Variants in CNTN4 observed in about 807,000 individuals in gnomAD.
The protein encoded by CNTN4 is contactin-4.
Under a neutral mutation model 122.5 loss-of-function variants are expected in CNTN4, and 77 were observed. That is an observed-to-expected ratio of 0.63 (90% CI 0.52 to 0.76). The LOEUF (loss-of-function observed/expected upper bound fraction) is 0.76, where lower values mean the gene tolerates loss of function less well. CNTN4 is among the 30% of genes least tolerant of loss of function. The pLI is 0.00. For synonymous variants in CNTN4, 512 were observed against 447.0 expected (o/e 1.15, Z -1.83); for missense variants, 1,256 against 1,259.1 (o/e 1.00, Z 0.04).
chr3:2,599,698 T>G (rs2080938981), intron 4 of CNTN4, among the ~76,000 whole-genome samples: 1 of 152,186 alleles, frequency 6.6e-6, no homozygotes, highest in South Asian at 2.1e-4. Context: ...AGAGAATCCC[T>G]AGCTAAACAG....
chr3:2,552,735 A>G (rs2078562760), intron 3 of CNTN4, among the ~76,000 whole-genome samples: 1 of 152,176 alleles, frequency 6.6e-6, no homozygotes, highest in South Asian at 2.1e-4. Flanking sequence ...AAAACTGTCA[A>G]AACAAAGCTA....
chr3:2,199,931 A>G (rs561768432), intron 2 of CNTN4, among the ~76,000 whole-genome samples: 1 of 152,304 alleles, frequency 6.6e-6, no homozygotes, highest in East Asian at 1.9e-4. Flanking sequence ...TTCTAAGCAT[A>G]TGAAGGTCAT....
chr3:2,224,921 C>T lies in CNTN4; in HGVS notation c.-144-114257C>T, dbSNP rs896009884. ...ATCCCAGCATTTTGGGAGGCCGAGG[C>T]GGGTGGATCACGAGGTCAGGAGATG... On this transcript the variant is annotated intron_variant, in intron 2 of 24. Transcript: ENST00000418658. Among the ~76,000 whole-genome samples the T allele has an allele frequency of 1.8e-4, 27 of 151,840 alleles. 1 individual carries two copies. The highest frequency in any genetic ancestry group is 1.2e-4 in the Non-Finnish European group (8 of 67,972).
At chr3:2,354,427 A>T (rs2044779415) in intron 3 of CNTN4, among the ~76,000 whole-genome samples, 1 of 152,182 alleles carries the variant, frequency 6.6e-6, no homozygotes. Flanking sequence ...GCTACTCAGG[A>T]GGCTGAGGCA....
intron 2 of CNTN4, among the ~76,000 whole-genome samples, chr3:2,304,357 C>A (rs1260693241): frequency 1.3e-5 from 2 of 152,080 alleles, no homozygotes; most frequent in African/African-American, 4.8e-5. Context: ...AAATTAATTA[C>A]ACGTTATAAA....
intron 3 of CNTN4, among the ~76,000 whole-genome samples, chr3:2,555,347 T>G (rs186530888): frequency 6.6e-6 from 1 of 152,284 alleles, no homozygotes; most frequent in East Asian, 1.9e-4. Context: ...CCTCGGTAAT[T>G]AAATCCATTG....
rs548998397 is a variant in CNTN4 at position 2,191,806 on chromosome 3, T to C, written c.-145+91167T>C. 4.7e-4 allele frequency among the ~76,000 whole-genome samples: 71 copies of C among 152,254 alleles called. 1 individual carries two copies. In the South Asian group the frequency reaches 0.014, roughly 31 times the overall value. On this transcript the variant is annotated intron_variant, in intron 2 of 24. Transcript: ENST00000418658. The stretch of plus-strand genomic sequence containing the variant: ...GAGGTTTGTTACATATGTATGCATG[T>C]GCCATGTTGGTGTGCTGCACCCATT...
chr3:2,168,779 A>C (rs1003654607), intron 2 of CNTN4, among the ~76,000 whole-genome samples: 1 of 152,184 alleles, frequency 6.6e-6, no homozygotes, highest in African/African-American at 2.4e-5. Context: ...CATTTTCAAA[A>C]TCAGTAGTGC....
chr3:2,330,085 T>G (rs1231595243), intron 2 of CNTN4, among the ~76,000 whole-genome samples: 1 of 152,162 alleles, frequency 6.6e-6, no homozygotes, highest in Admixed American at 6.5e-5. Context: ...CCAATTGATA[T>G]AAATTAGAGA....
At chr3:2,374,496 TCA>T (rs2045747874) in intron 3 of CNTN4, among the ~76,000 whole-genome samples, 1 of 152,212 alleles carries the variant, frequency 6.6e-6, no homozygotes, top group African/African-American at 2.4e-5. Context: ...CCCGTATACT[TCA>T]CAGACTAGGT....
At chr3:2,961,099 G>GCA (rs1313871701) in intron 13 of CNTN4, among the ~76,000 whole-genome samples, 1 of 141,972 alleles carries the variant, frequency 7.0e-6, no homozygotes, top group Non-Finnish European at 1.5e-5. Flanking sequence ...GCGTGGTGAT[G>GCA]GGCGCCTGTA....
chr3:2,318,655 G>A (rs35505531), intron 2 of CNTN4, among the ~76,000 whole-genome samples: 10,871 of 152,000 alleles, frequency 0.072, 452 homozygotes, highest in Middle Eastern at 0.085. Flanking sequence ...TGTGTGTTGT[G>A]TTGTGTGTTT....
At chr3:2,661,874 T>G (rs1255536434) in intron 4 of CNTN4, among the ~76,000 whole-genome samples, 1 of 151,492 alleles carries the variant, frequency 6.6e-6, no homozygotes, top group Non-Finnish European at 1.5e-5. Flanking sequence ...ATATAGAAAT[T>G]TTAAGAATAC....
chr3:2,887,325 C>A, intron 10 of CNTN4, 101 bp downstream of exon 10: 1 of 1,071,000 alleles, frequency 9.3e-7, no homozygotes, highest in South Asian at 1.3e-5. Flanking sequence ...AGAGATGGTG[C>A]AGAATAGGAC....
At position 2,358,710 on chromosome 3, in the gene CNTN4, A is replaced by G. The variant is rs1486660360; in HGVS notation, c.-89+19477A>G. Among the ~76,000 whole-genome samples, 3 of 152,142 alleles carry G rather than the reference A, an allele frequency of 2.0e-5. No individual in the cohort carries two copies. In the East Asian group the frequency reaches 5.8e-4, roughly 29 times the overall value. ...CAAATCAGTACTAAAGTGCATAGTC[A>G]TTTTTCATCATGCAGCTAAAACGGT... On this transcript the variant is annotated intron_variant, in intron 3 of 24. Coordinates refer to ENST00000418658, the MANE Select transcript of CNTN4 (RefSeq NM_175607.3).
rs367712227 is a variant in CNTN4 at position 2,341,921 on chromosome 3, G to A, written c.-89+2688G>A. Among the ~76,000 whole-genome samples, 186 of 152,178 alleles carry A rather than the reference G, an allele frequency of 1.2e-3. 1 individual carries two copies. The highest frequency in any genetic ancestry group is 3.6e-3 in the African/African-American group (148 of 41,510). On this transcript the variant is annotated intron_variant, in intron 3 of 24. Transcript: ENST00000418658. ...AGCCTTCCAGTGCCCTCTCCAGTTC[G>A]TCACACCATGCCATTTGCTATCTTC...
intron 3 of CNTN4, among the ~76,000 whole-genome samples, chr3:2,499,142 G>T (rs1043631030): frequency 1.3e-5 from 2 of 152,134 alleles, no homozygotes; most frequent in South Asian, 4.1e-4. Flanking sequence ...CCTAGATCTT[G>T]AAGATTTTCT....
At chr3:2,652,326 T>C (rs1206379259) in intron 4 of CNTN4, among the ~76,000 whole-genome samples, 1 of 152,150 alleles carries the variant, frequency 6.6e-6, no homozygotes, top group Non-Finnish European at 1.5e-5. Flanking sequence ...ACTTAGAAAG[T>C]GCCTAAATAA....
rs760085098 is a variant in CNTN4 at position 3,037,296 on chromosome 3, G to A, written c.2060G>A (p.Arg687His). 66 of 1,614,146 alleles carry A rather than the reference G, an allele frequency of 4.1e-5. No homozygotes were observed. Among genetic ancestry groups the A allele is most frequent in the Non-Finnish European group, 4.7e-5 (56 of 1,180,030 alleles). The change falls in exon 18 of 25, where the codon CGC becomes CAC. Residue 687 changes from arginine (R) to histidine (H), a missense_variant. By Grantham distance (29) the Arg-to-His change is conservative. Coordinates refer to ENST00000418658, the MANE Select transcript of CNTN4 (RefSeq NM_175607.3). Reference sequence around the variant, plus strand: ...GTGATTGGGATTGGGGAGCCCAGCCGCCCCTCAGAGAAACGGAGAACAGAA... The same window carrying A: ...GTGATTGGGATTGGGGAGCCCAGCCACCCCTCAGAGAAACGGAGAACAGAA... ...ANVIGIGEPS[R>H]PSEKRRTEEA... is the part of the protein sequence containing the mutation.
Sources: allele counts gnomAD v4.1 joint callset (sites outside exome capture counted in the v4.1 genomes callset), GRCh38; gene constraint gnomAD v4.1.1; transcripts MANE v1.5; gene names NCBI Gene and HGNC (gene_info 2026-07-23, HGNC 2026-07-21).